Variants in MXRA7 observed in about 807,000 individuals in gnomAD.
MXRA7 encodes the protein matrix-remodeling-associated protein 7.
In MXRA7, 18 loss-of-function variants were observed where a neutral mutation model predicts 17.4. The ratio of observed to expected loss-of-function variants is 1.03; its 90% CI spans 0.71 to 1.53. MXRA7 has a LOEUF of 1.53. Ranked by LOEUF, MXRA7 falls within the 40% of genes most tolerant of loss-of-function variation. The pLI, the probability that MXRA7 is intolerant of heterozygous loss-of-function variation, is 0.00. For missense variants in MXRA7, 141 were observed against 209.3 expected, an observed-to-expected ratio of 0.67 and a Z score of 2.01; for synonymous variants, 70 against 101.7, an observed-to-expected ratio of 0.69 and a Z score of 1.87.
At chr17:76,698,082 G>T (rs972478952) in intron 1 of MXRA7, among the ~76,000 whole-genome samples, 1 of 152,208 alleles carries the variant, frequency 6.6e-6, no homozygotes, top group African/African-American at 2.4e-5. Context: ...CAGAGCTGCC[G>T]CATGCTGTGA....
chr17:76,695,499 C>A (rs189574218), intron 1 of MXRA7, among the ~76,000 whole-genome samples: 1 of 152,188 alleles, frequency 6.6e-6, no homozygotes, highest in East Asian at 1.9e-4. Context: ...CCTCATAGCA[C>A]GCCCATCTTT....
intron 3 of MXRA7, among the ~76,000 whole-genome samples, chr17:76,683,609 C>A (rs893859472): frequency 2.0e-5 from 3 of 152,216 alleles, no homozygotes; most frequent in African/African-American, 7.2e-5. Context: ...GCCCATTAGG[C>A]CCCCTCCAGG....
chr17:76,709,599 G>C (rs1479055325), intron 1 of MXRA7: 1 of 153,152 alleles, frequency 6.5e-6, no homozygotes, highest in African/African-American at 2.4e-5. Context: ...GGACAGAGTG[G>C]GCACGCAGAC....
In MXRA7 at chr17:76,679,621, A is replaced by G; in HGVS notation, c.*1246T>C. On this transcript the variant is annotated 3_prime_UTR_variant, in exon 4 of 4. Coordinates refer to ENST00000449428, the MANE Select transcript of MXRA7 (RefSeq NM_198530.4). ...GACTGAACAAAGGCTGAATACAGAG[A>G]TCCAAGCCATGAGGAGTACATGAGG... 2 of 972,314 alleles carry G rather than the reference A, an allele frequency of 2.1e-6. No homozygotes were observed. 60.2% of individuals were successfully genotyped at this position (972,314 alleles called of 1,614,324 possible). A position where few individuals can be genotyped will look rare whatever the true frequency, so the allele number is the denominator to read the frequency against.
intron 1 of MXRA7, among the ~76,000 whole-genome samples, chr17:76,697,027 G>A (rs888403546): frequency 6.6e-6 from 1 of 152,162 alleles, no homozygotes; most frequent in Non-Finnish European, 1.5e-5. Flanking sequence ...GGAGTGTTCA[G>A]GCTACTCGGC....
intron 1 of MXRA7, among the ~76,000 whole-genome samples, chr17:76,694,116 G>C (rs1457749547): frequency 6.6e-6 from 1 of 152,200 alleles, no homozygotes; most frequent in African/African-American, 2.4e-5. Flanking sequence ...AGGCCCAGGA[G>C]CCCAATTTCT....
chr17:76,701,702 G>C (rs2076593006), intron 1 of MXRA7, among the ~76,000 whole-genome samples: 1 of 152,058 alleles, frequency 6.6e-6, no homozygotes, highest in Admixed American at 6.5e-5. Context: ...TCTGGGGAGA[G>C]ACAGGATCAC....
chr17:76,695,126 C>T (rs1476509021), intron 1 of MXRA7, among the ~76,000 whole-genome samples: 1 of 152,148 alleles, frequency 6.6e-6, no homozygotes, highest in Non-Finnish European at 1.5e-5. Flanking sequence ...AGCCATTGCA[C>T]TCCAGCCTGG....
At chr17:76,702,890 T>TATA (rs1251035840) in intron 1 of MXRA7, among the ~76,000 whole-genome samples, 1 of 149,578 alleles carries the variant, frequency 6.7e-6, no homozygotes, top group Non-Finnish European at 1.5e-5. Context: ...TATATATATA[T>TATA]CTTGAGGAGG....
At position 76,704,551 on chromosome 17, in the gene MXRA7, G is replaced by A. The variant is rs1284063051; in HGVS notation, c.342+6054C>T. ...TGTAATCCCAGCACTTTGGGAGGCC[G>A]AGGCAGGCTGATCATTTGAGGCCAG... On this transcript the variant is annotated intron_variant, in intron 1 of 3. Transcript: ENST00000449428. 4.0e-5 allele frequency among the ~76,000 whole-genome samples: 6 copies of A among 149,364 alleles called. No homozygotes were observed. In the South Asian group the frequency reaches 1.1e-3, roughly 27 times the overall value.
chr17:76,697,740 G>A (rs184344474), intron 1 of MXRA7, among the ~76,000 whole-genome samples: 23 of 152,300 alleles, frequency 1.5e-4, no homozygotes, highest in Middle Eastern at 6.8e-3. Context: ...AGGGTGCCCC[G>A]GAGGCCAAGC....
downstream of MXRA7, chr17:76,677,677 T>C (rs1204922896): frequency 6.2e-7 from 1 of 1,613,964 alleles, no homozygotes; most frequent in African/African-American, 1.3e-5. Flanking sequence ...AGCTTGAAGA[T>C]GGCAGCCAGC....
At chr17:76,701,146 G>A (rs1338159548) in intron 1 of MXRA7, among the ~76,000 whole-genome samples, 3 of 152,078 alleles carry the variant, frequency 2.0e-5, no homozygotes, top group Non-Finnish European at 4.4e-5. Flanking sequence ...GAGCCTGGCA[G>A]GGGTGGGGAG....
At chr17:76,701,399 G>A (rs2076590055) in intron 1 of MXRA7, among the ~76,000 whole-genome samples, 1 of 152,028 alleles carries the variant, frequency 6.6e-6, no homozygotes, top group Non-Finnish European at 1.5e-5. Context: ...GCCGGGTGGA[G>A]GGGCAGCAGA....
At chr17:76,707,515 G>C (rs1364094862) in intron 1 of MXRA7, among the ~76,000 whole-genome samples, 3 of 151,956 alleles carry the variant, frequency 2.0e-5, no homozygotes, top group African/African-American at 4.8e-5. Context: ...TGTTGGCCAG[G>C]TTGGTCTCGA....
At chr17:76,705,272 A>G (rs2076643186) in intron 1 of MXRA7, among the ~76,000 whole-genome samples, 1 of 152,228 alleles carries the variant, frequency 6.6e-6, no homozygotes, top group Non-Finnish European at 1.5e-5. Context: ...AAATTAAGTT[A>G]GGCACTCAAA....
chr17:76,682,508 C>G (rs1443613429), intron 3 of MXRA7, among the ~76,000 whole-genome samples: 1 of 152,058 alleles, frequency 6.6e-6, no homozygotes, highest in African/African-American at 2.4e-5. Flanking sequence ...CTCACAGCTG[C>G]CAGCGCTCCC....
At chr17:76,683,866 A>G (rs375660221) in intron 3 of MXRA7, 17 of 1,613,850 alleles carry the variant, frequency 1.1e-5, no homozygotes, top group Non-Finnish European at 1.4e-5. Context: ...TTGCAAGAAT[A>G]TTTGTGGCTC....
At chr17:76,706,148 C>T (rs990888960) in intron 1 of MXRA7, among the ~76,000 whole-genome samples, 4 of 151,768 alleles carry the variant, frequency 2.6e-5, no homozygotes, top group South Asian at 2.1e-4. Context: ...ACCACACTGC[C>T]GTCACAGAGG....
Sources: allele counts gnomAD v4.1 joint callset (sites outside exome capture counted in the v4.1 genomes callset), GRCh38; gene constraint gnomAD v4.1.1; transcripts MANE v1.5; gene names NCBI Gene and HGNC (gene_info 2026-07-23, HGNC 2026-07-21).